The following NOX5 variants were observed in gnomAD, a reference collection of about 807,000 sequenced individuals.
The protein encoded by NOX5 is NADPH oxidase, EF-hand calcium binding domain 5.
A neutral mutation model predicts 85.7 loss-of-function variants in NOX5; 76 were observed. The ratio of observed to expected loss-of-function variants is 0.89; its 90% confidence interval spans 0.74 to 1.07. The LOEUF (loss-of-function observed/expected upper bound fraction) is 1.07, where lower values mean the gene tolerates loss of function less well. Ranked by LOEUF, NOX5 falls within the 50% of genes least tolerant of loss-of-function variation. The pLI, the probability that NOX5 is intolerant of heterozygous loss-of-function variation, is 0.00. For missense variants in NOX5, 973 were observed against 999.5 expected (o/e 0.97, Z 0.36); for synonymous variants, 405 against 401.4 (o/e 1.01, Z -0.11).
Position 69,022,900 on chromosome 15 carries a change from C to T in NOX5, c.51-3628C>T. On this transcript the variant is annotated intron_variant, in intron 1 of 15. Coordinates refer to ENST00000388866, the MANE Select transcript of NOX5 (RefSeq NM_024505.4). ...ACAGCAAATGCTGACCTTTTTGCTCCTGAAAAGGATGTCTAAGTAGGGACG... is the reference window on the plus strand; with the variant it reads ...ACAGCAAATGCTGACCTTTTTGCTCTTGAAAAGGATGTCTAAGTAGGGACG... The T allele has an allele frequency of 6.6e-6, 3 of 455,450 alleles. No homozygotes were observed. The Admixed American group carries it at 7.4e-5, about 11-fold the overall frequency. The allele number at this position is 455,450 out of a possible 1,614,324, so 28.2% of individuals were successfully genotyped here.
Position 69,031,649 on chromosome 15 carries a change from T to G in NOX5, c.457T>G (p.Cys153Gly). 3.1e-6 allele frequency: 5 copies of G among 1,613,386 alleles called. No homozygotes were observed. The highest frequency in any genetic ancestry group is 4.2e-6 in the Non-Finnish European group (5 of 1,179,954). ...TGAGCTGCGCACTGTGCTGCAGTCG[T>G]GTCTGCGCGAGAGCGCCATCTCGCT... ...PDELRTVLQS[C>G]LRESAISLPD... The change falls in exon 4 of 16, where the codon TGT (cysteine) becomes GGT (glycine). Residue 153 changes from cysteine to glycine, a missense_variant. Transcript: ENST00000388866.
At chr15:69,048,449 C>G (rs1478664229) in intron 13 of NOX5, among the ~76,000 whole-genome samples, 1 of 152,122 alleles carries the variant, frequency 6.6e-6, no homozygotes, top group Non-Finnish European at 1.5e-5. Context: ...GGGAGGATCA[C>G]TTGAGCCCAG....
At chr15:69,054,377 A>G (rs2050784963) in intron 14 of NOX5, among the ~76,000 whole-genome samples, 3 of 151,856 alleles carry the variant, frequency 2.0e-5, no homozygotes, top group Admixed American at 2.0e-4. Flanking sequence ...CTCCTTCCCC[A>G]TCTCTTCAGC....
At chr15:69,019,271 C>T (rs749080487) in intron 1 of NOX5, among the ~76,000 whole-genome samples, 6 of 152,176 alleles carry the variant, frequency 3.9e-5, no homozygotes, top group Non-Finnish European at 8.8e-5. Context: ...TGCCCACTGC[C>T]CACCTGCCAT....
rs779462144 is a variant in NOX5, at chr15:69,031,659, A to C, written c.467A>C (p.Glu156Ala). 8.1e-6 allele frequency: 13 copies of C among 1,613,266 alleles called. No homozygotes were observed. Among genetic ancestry groups the C allele is most frequent in the African/African-American group, 1.3e-5 (1 of 74,948 alleles). ...LRTVLQSCLR[E>A]SAISLPDEKL... ...ACTGTGCTGCAGTCGTGTCTGCGCGAGAGCGCCATCTCGCTGCCTGACGAG... is the reference window on the plus strand; with the variant it reads ...ACTGTGCTGCAGTCGTGTCTGCGCGCGAGCGCCATCTCGCTGCCTGACGAG... Residue 156 changes from glutamate (E) to alanine (A), a missense_variant, in exon 4 of 16, where the codon GAG (glutamate) becomes GCG (alanine). Coordinates refer to ENST00000388866, the MANE Select transcript of NOX5 (RefSeq NM_024505.4).
At chr15:69,036,586 T>C (rs1292768695) in intron 7 of NOX5, among the ~76,000 whole-genome samples, 1 of 152,182 alleles carries the variant, frequency 6.6e-6, no homozygotes, top group African/African-American at 2.4e-5. Flanking sequence ...ATTTGACCCA[T>C]GAGGAATTTC....
intron 9 of NOX5, among the ~76,000 whole-genome samples, chr15:69,040,889 C>T (rs2050586140): frequency 1.3e-5 from 2 of 152,000 alleles, no homozygotes; most frequent in South Asian, 2.1e-4. Flanking sequence ...GATTTCACCA[C>T]GTTGGCCAGG....
chr15:69,038,857 G>C lies in NOX5; in HGVS notation c.1372G>C (p.Val458Leu). ...IMEVNLLPSKVTHLLIKRPPF... is the reference protein window; with the variant it reads ...IMEVNLLPSKLTHLLIKRPPF... ...TGCAGATCTCCTTCCTCTTTCCCAGGTCACTCATCTCCTCATCAAGCGGCC... is the reference window on the plus strand; with the variant it reads ...TGCAGATCTCCTTCCTCTTTCCCAGCTCACTCATCTCCTCATCAAGCGGCC... The change falls in exon 9 of 16, where the codon GTC becomes CTC. Residue 458 changes from valine to leucine, a missense_variant and splice_region_variant. Transcript: ENST00000388866. 1 of 1,614,084 alleles carries C rather than the reference G, an allele frequency of 6.2e-7. No homozygotes were observed. The highest frequency in any genetic ancestry group is 8.5e-7 in the Non-Finnish European group (1 of 1,180,016).
At chr15:69,055,082 T>G (rs1395264271) in intron 14 of NOX5, among the ~76,000 whole-genome samples, 1 of 152,136 alleles carries the variant, frequency 6.6e-6, no homozygotes, top group African/African-American at 2.4e-5. Flanking sequence ...ATATAAAAGA[T>G]CTAACTCTTG....
rs2050801354 is a variant in NOX5 at position 69,055,522 on chromosome 15, C to A, written c.2166+22C>A. On this transcript the variant is annotated intron_variant, in intron 15 of 15. Transcript: ENST00000388866. ...CAAGGTAATGCCAACTGGAGCCCTG[C>A]AGCTTGCAGGTATGGATGAAGCTGA... is the stretch of plus-strand genomic sequence containing the variant. The A allele has an allele frequency of 1.9e-6, 3 of 1,610,276 alleles. No individual in the cohort carries two copies. The African/African-American group carries it at 4.0e-5, about 21-fold the overall frequency.
intron 6 of NOX5, 89 bp downstream of exon 6, chr15:69,035,596 T>G: frequency 5.1e-6 from 8 of 1,562,956 alleles, no homozygotes; most frequent in Non-Finnish European, 6.9e-6. Flanking sequence ...GTGTACTGCC[T>G]GCCCAAAGGG....
intron 1 of NOX5, chr15:69,022,749 G>C (rs937461089): frequency 5.2e-6 from 1 of 190,704 alleles, no homozygotes; most frequent in Middle Eastern, 7.5e-4. Flanking sequence ...AGATTTCAAG[G>C]TTAGAATTCA....
rs1210993084 is a variant in NOX5, at chr15:69,061,444, A to T, written c.*4748A>T. The stretch of plus-strand genomic sequence containing the variant: ...GTGCACAGGGGCTAAGCCCAGCACC[A>T]GCCCAGCCTGGGAGTTGAGATGCCT... On this transcript the variant is annotated 3_prime_UTR_variant, in exon 16 of 16. Coordinates refer to ENST00000388866, the MANE Select transcript of NOX5 (RefSeq NM_024505.4). 6.6e-6 allele frequency: 1 copy of T among 152,296 alleles called. No individual in the cohort carries two copies. Among genetic ancestry groups the T allele is most frequent in the Non-Finnish European group, 1.5e-5 (1 of 68,062 alleles). 9.4% of individuals were successfully genotyped at this position (152,296 alleles called of 1,614,324 possible). A position where few individuals can be genotyped will look rare whatever the true frequency, so the allele number is the denominator to read the frequency against.
At chr15:69,041,875 T>C (rs1007907518) in intron 9 of NOX5, among the ~76,000 whole-genome samples, 1 of 152,150 alleles carries the variant, frequency 6.6e-6, no homozygotes, top group Non-Finnish European at 1.5e-5. Context: ...TGTGTGATTT[T>C]TTTTTTCTTT....
In NOX5 at chr15:69,059,439, A is replaced by C. The variant is rs1176100888; in HGVS notation, c.*2743A>C. ...TGTGAAGTCAAGAGACTTCATGTTCAAGGTCAGTTTCTCTAGCTGGCAGCT... is the reference window on the plus strand; with the variant it reads ...TGTGAAGTCAAGAGACTTCATGTTCCAGGTCAGTTTCTCTAGCTGGCAGCT... On this transcript the variant is annotated 3_prime_UTR_variant, in exon 16 of 16. Coordinates refer to ENST00000388866, the MANE Select transcript of NOX5 (RefSeq NM_024505.4). The C allele has an allele frequency of 1.3e-5, 2 of 152,200 alleles. No homozygotes were observed. Among genetic ancestry groups the C allele is most frequent in the Non-Finnish European group, 2.9e-5 (2 of 68,036 alleles). The allele number at this position is 152,200 out of a possible 1,614,324, so 9.4% of individuals were successfully genotyped here.
intron 10 of NOX5, among the ~76,000 whole-genome samples, chr15:69,043,196 C>A (rs1283233097): frequency 6.6e-6 from 1 of 152,186 alleles, no homozygotes; most frequent in African/African-American, 2.4e-5. Context: ...ATTTTAAAAA[C>A]CAACTGAATG....
At position 69,047,530 on chromosome 15, in the gene NOX5, A is replaced by G. The variant is rs371589839; in HGVS notation, c.1810A>G (p.Met604Val). Residue 604 changes from methionine to valine, a missense_variant, in exon 12 of 16, where the codon ATG becomes GTG. Coordinates refer to ENST00000388866, the MANE Select transcript of NOX5 (RefSeq NM_024505.4). ...TPFASILQSI[M>V]YRHQKRKHTC... ...CTTTGCTTCCATTCTGCAGAGTATC[A>G]TGTACAGGTGGGTGAACAGTGTGCT... The G allele has an allele frequency of 3.1e-6, 5 of 1,613,688 alleles. No homozygotes were observed. The African/African-American group carries it at 6.7e-5, about 22-fold the overall frequency.
At chr15:69,055,294 T>G (rs1179349137) in intron 14 of NOX5, 40 bp from the exon 15 acceptor site, 10 of 1,607,262 alleles carry the variant, frequency 6.2e-6, no homozygotes, top group Non-Finnish European at 7.7e-6. Flanking sequence ...CCATGATGGG[T>G]ACTAGACCCT....
Position 69,057,015 on chromosome 15 carries a change from A to C in NOX5, c.*319A>C. ...GCAGAGGGCAACCACTCCTCCAAACATTTTCCGACGGAGCCTTCCCCCACA... is the reference window on the plus strand; with the variant it reads ...GCAGAGGGCAACCACTCCTCCAAACCTTTTCCGACGGAGCCTTCCCCCACA... On this transcript the variant is annotated 3_prime_UTR_variant, in exon 16 of 16. Transcript: ENST00000388866. 4.7e-6 allele frequency: 1 copy of C among 213,980 alleles called. No individual in the cohort carries two copies. Among genetic ancestry groups the C allele is most frequent in the Admixed American group, 5.2e-5 (1 of 19,384 alleles). The allele number at this position is 213,980 out of a possible 1,614,324, so 13.3% of individuals were successfully genotyped here. A position where few individuals can be genotyped will look rare whatever the true frequency, so the allele number is the denominator to read the frequency against.
Sources: allele counts gnomAD v4.1 joint callset (sites outside exome capture counted in the v4.1 genomes callset), GRCh38; gene constraint gnomAD v4.1.1; transcripts MANE v1.5; gene names NCBI Gene and HGNC (gene_info 2026-07-23, HGNC 2026-07-21).